Variants in PTPRT observed in about 807,000 individuals in gnomAD.
PTPRT encodes the protein protein tyrosine phosphatase receptor type T.
PTPRT carries 56 observed loss-of-function variants against 176.8 expected under a neutral mutation model. That is an observed-to-expected ratio of 0.32 (90% CI 0.26 to 0.40). The LOEUF is 0.40. PTPRT is among the 10% of genes least tolerant of loss of function. PTPRT has a pLI of 1.00. For synonymous variants in PTPRT, 783 were observed against 739.0 expected (o/e 1.06, Z -0.96); for missense variants, 1,540 against 1,908.2 (o/e 0.81, Z 3.60).
chr20:42,838,222 C>T (rs952756653), intron 2 of PTPRT, among the ~76,000 whole-genome samples: 4 of 152,248 alleles, frequency 2.6e-5, no homozygotes, highest in South Asian at 4.2e-4. Flanking sequence ...GACAGGGTTT[C>T]GCCATGTTGG....
At chr20:42,663,280 T>C (rs2075257768) in intron 7 of PTPRT, among the ~76,000 whole-genome samples, 1 of 152,050 alleles carries the variant, frequency 6.6e-6, no homozygotes, top group East Asian at 1.9e-4. Flanking sequence ...GCTGCACCTG[T>C]GGGCAATTTG....
At chr20:43,152,237 C>T (rs1439603324) in intron 1 of PTPRT, among the ~76,000 whole-genome samples, 1 of 152,028 alleles carries the variant, frequency 6.6e-6, no homozygotes, top group Admixed American at 6.6e-5. Flanking sequence ...GGAAATATGC[C>T]AGAATATTAA....
intron 1 of PTPRT, among the ~76,000 whole-genome samples, chr20:43,130,844 T>A (rs1471506543): frequency 2.0e-5 from 3 of 147,054 alleles, no homozygotes; most frequent in Admixed American, 6.8e-5. Flanking sequence ...AAAGTATGTA[T>A]GGTACTAAAA....
At chr20:43,075,583 A>G (rs2011254353) in intron 1 of PTPRT, among the ~76,000 whole-genome samples, 2 of 152,230 alleles carry the variant, frequency 1.3e-5, no homozygotes, top group Admixed American at 6.5e-5. Context: ...TTACCCAACT[A>G]GACATCATTC....
At chr20:42,521,856 C>G (rs1445686464) in intron 7 of PTPRT, among the ~76,000 whole-genome samples, 1 of 151,972 alleles carries the variant, frequency 6.6e-6, no homozygotes, top group Non-Finnish European at 1.5e-5. Flanking sequence ...GGTTTTCTTT[C>G]CTTTTTGTAT....
chr20:42,228,452 A>G lies in PTPRT; in HGVS notation c.2342+7777T>C, dbSNP rs571366142. Among the ~76,000 whole-genome samples, 17 of 152,336 alleles carry G rather than the reference A, an allele frequency of 1.1e-4. No individual in the cohort carries two copies. In the South Asian group the frequency reaches 3.5e-3, roughly 32 times the overall value. ...TCCCTATCCAAATCTATCAGTACAC[A>G]TGGTCTAGCCCAGTGCATTTATATC... On this transcript the variant is annotated intron_variant, in intron 15 of 30. Coordinates refer to ENST00000373187, the MANE Select transcript of PTPRT (RefSeq NM_007050.6).
At chr20:42,295,795 G>GT (rs1233187340) in intron 12 of PTPRT, among the ~76,000 whole-genome samples, 1 of 152,172 alleles carries the variant, frequency 6.6e-6, no homozygotes, top group Non-Finnish European at 1.5e-5. Context: ...CTTGTGGGAG[G>GT]TGATTGGATC....
At chr20:43,185,400 C>T (rs1264164562) in intron 1 of PTPRT, among the ~76,000 whole-genome samples, 3 of 152,188 alleles carry the variant, frequency 2.0e-5, no homozygotes, top group Admixed American at 2.0e-4. Flanking sequence ...AGGAAGGCTG[C>T]ACACGGGAGA....
At chr20:43,153,765 A>G (rs377104340) in intron 1 of PTPRT, among the ~76,000 whole-genome samples, 1 of 152,224 alleles carries the variant, frequency 6.6e-6, no homozygotes, top group Non-Finnish European at 1.5e-5. Context: ...GATTAGCGCA[A>G]TCGGTCAATG....
chr20:42,470,487 C>T (rs141001434), intron 8 of PTPRT, among the ~76,000 whole-genome samples: 3 of 152,140 alleles, frequency 2.0e-5, no homozygotes, highest in African/African-American at 4.8e-5. Flanking sequence ...CACATGCACA[C>T]GAATCTTCAT....
chr20:42,846,159 C>T (rs2145742817), intron 2 of PTPRT, among the ~76,000 whole-genome samples: 1 of 152,296 alleles, frequency 6.6e-6, no homozygotes, highest in African/African-American at 2.4e-5. Context: ...GATAAGGTCA[C>T]TCGCCATGCT....
In PTPRT at chr20:42,411,980, G is replaced by C. The variant is rs561278498; in HGVS notation, c.1560+36240C>G. On this transcript the variant is annotated intron_variant, in intron 9 of 30. Coordinates refer to ENST00000373187, the MANE Select transcript of PTPRT (RefSeq NM_007050.6). ...AATAATCAACTCAGAACATAACATA[G>C]GGGAAACATTTTGTGACCTTTGTTA... is the stretch of plus-strand genomic sequence containing the variant. Among the ~76,000 whole-genome samples, 19 of 152,244 alleles carry C rather than the reference G, an allele frequency of 1.2e-4. No homozygotes were observed. In the East Asian group the frequency reaches 3.7e-3, roughly 29 times the overall value.
chr20:42,075,057 G>A lies in PTPRT; in HGVS notation c.*5822C>T, dbSNP rs565637344. On this transcript the variant is annotated 3_prime_UTR_variant, in exon 31 of 31. Transcript: ENST00000373187. ...TGTTCAGTCTATGACCTCAAAGGCA[G>A]ATCCCTGCAAGACAAAGCCAAGGCC... 1 of 388,752 alleles carries A rather than the reference G, an allele frequency of 2.6e-6. No individual in the cohort carries two copies. The highest frequency in any genetic ancestry group is 3.6e-5 in the East Asian group (1 of 27,492). 24.1% of individuals were successfully genotyped at this position (388,752 alleles called of 1,614,324 possible).
At chr20:43,082,725 G>A (rs866546210) in intron 1 of PTPRT, among the ~76,000 whole-genome samples, 2 of 152,166 alleles carry the variant, frequency 1.3e-5, no homozygotes, top group Non-Finnish European at 1.5e-5. Flanking sequence ...TAATGCTTAT[G>A]GGTTTTTTTG....
At chr20:43,071,735 A>G (rs1047465743) in intron 1 of PTPRT, among the ~76,000 whole-genome samples, 23 of 152,376 alleles carry the variant, frequency 1.5e-4, no homozygotes, top group Non-Finnish European at 2.8e-4. Flanking sequence ...CAGTGAGCCA[A>G]GATCGTGCCA....
At chr20:43,010,697 AAC>A (rs139374543) in intron 1 of PTPRT, among the ~76,000 whole-genome samples, 9,434 of 151,846 alleles carry the variant, frequency 0.062, 323 homozygotes, top group Non-Finnish European at 0.08. Flanking sequence ...ATCAGCTACG[AAC>A]ACAGAGTTGC....
intron 1 of PTPRT, among the ~76,000 whole-genome samples, chr20:42,989,902 T>C (rs1334691371): frequency 6.6e-6 from 1 of 152,180 alleles, no homozygotes; most frequent in East Asian, 1.9e-4. Flanking sequence ...CACAGTCACA[T>C]CCCCTTGGGC....
At chr20:43,108,654 T>G (rs2012721167) in intron 1 of PTPRT, among the ~76,000 whole-genome samples, 1 of 152,032 alleles carries the variant, frequency 6.6e-6, no homozygotes, top group Non-Finnish European at 1.5e-5. Context: ...TATAAGGACC[T>G]CTTCAAAAAT....
chr20:42,664,211 T>C (rs1231406733), intron 7 of PTPRT, among the ~76,000 whole-genome samples: 7 of 152,242 alleles, frequency 4.6e-5, no homozygotes, highest in African/African-American at 1.7e-4. Flanking sequence ...CTTTATGCCT[T>C]TAGCCTTTTT....
Sources: allele counts gnomAD v4.1 joint callset (sites outside exome capture counted in the v4.1 genomes callset), GRCh38; gene constraint gnomAD v4.1.1; transcripts MANE v1.5; gene names NCBI Gene and HGNC (gene_info 2026-07-23, HGNC 2026-07-21).